The following CLPTM1 variants were observed in gnomAD, a reference collection of about 807,000 sequenced individuals.
CLPTM1 encodes CLPTM1 regulator of GABA type A receptor forward trafficking, also known as putative lipid scramblase CLPTM1.
A neutral mutation model predicts 77.3 loss-of-function variants in CLPTM1; 21 were observed. The ratio of observed to expected loss-of-function variants is 0.27; its 90% confidence interval spans 0.19 to 0.39. The LOEUF is 0.39. CLPTM1 is among the 10% of genes least tolerant of loss of function. The pLI is 1.00. For missense variants in CLPTM1, 642 were observed against 921.2 expected, an observed-to-expected ratio of 0.70 and a Z score of 3.92; for synonymous variants, 373 against 381.0, an observed-to-expected ratio of 0.98 and a Z score of 0.24.
upstream of CLPTM1, chr19:44,955,308 T>C: frequency 2.8e-6 from 4 of 1,403,716 alleles, no homozygotes; most frequent in Non-Finnish European, 3.7e-6. Flanking sequence ...CCGGCGGGGC[T>C]AGGAAAGCGT....
At chr19:44,986,940 G>A in intron 7 of CLPTM1, 1 of 574,610 alleles carries the variant, frequency 1.7e-6, no homozygotes, top group Non-Finnish European at 3.0e-6. Flanking sequence ...CCACAGGGCA[G>A]CCGTGGGCTG....
chr19:44,961,846 AG>A, intron 1 of CLPTM1, 116 bp from the exon 2 acceptor site: 1 of 563,396 alleles, frequency 1.8e-6, no homozygotes, highest in East Asian at 3.2e-5. Flanking sequence ...TTCATTCTCC[AG>A]TTATTGATAA....
At chr19:44,986,315 A>G in intron 6 of CLPTM1, 140 bp from the exon 7 acceptor site, 4 of 1,124,234 alleles carry the variant, frequency 3.6e-6, no homozygotes, top group Non-Finnish European at 3.8e-6. Context: ...CTTGGGCAGC[A>G]TAGTGAGACC....
Position 44,977,379 on chromosome 19 carries a change from T to C in CLPTM1, c.505T>C (p.Tyr169His), listed in dbSNP as rs781310487. 1 of 1,610,490 alleles carries C rather than the reference T, an allele frequency of 6.2e-7. No homozygotes were observed. ...QQNGSIYIHV[Y>H]FTKSGFHPDP... ...GAACGGCTCCATCTACATCCACGTTTACTTCACCAAGAGTGGCTTCCACCC... is the reference window on the plus strand; with the variant it reads ...GAACGGCTCCATCTACATCCACGTTCACTTCACCAAGAGTGGCTTCCACCC... Residue 169 changes from tyrosine (Y) to histidine (H), a missense_variant, in exon 5 of 14, where the codon TAC becomes CAC. By Grantham distance (83) the Tyr-to-His change is moderately conservative (BLOSUM62 2). Transcript: ENST00000337392.
At chr19:44,964,215 A>T (rs1418048922) in intron 2 of CLPTM1, among the ~76,000 whole-genome samples, 2 of 151,070 alleles carry the variant, frequency 1.3e-5, no homozygotes, top group African/African-American at 4.9e-5. Flanking sequence ...AGACTTTAAC[A>T]TATGAATTTT....
At chr19:44,972,328 A>G (rs1600024241) in intron 2 of CLPTM1, among the ~76,000 whole-genome samples, 1 of 151,084 alleles carries the variant, frequency 6.6e-6, no homozygotes, top group Non-Finnish European at 1.5e-5. Context: ...GCTCACTGCA[A>G]CCTCTGCCTC....
At chr19:44,957,506 C>T (rs747996082) in intron 1 of CLPTM1, among the ~76,000 whole-genome samples, 1 of 152,256 alleles carries the variant, frequency 6.6e-6, no homozygotes, top group East Asian at 1.9e-4. Context: ...TCCCTGATGC[C>T]GTGGTGGATC....
intron 1 of CLPTM1, among the ~76,000 whole-genome samples, chr19:44,957,643 G>C (rs1191138040): frequency 6.6e-6 from 1 of 152,208 alleles, no homozygotes; most frequent in Non-Finnish European, 1.5e-5. Flanking sequence ...GCGTGGACGT[G>C]CAGATCCGAG....
rs533546239 is a variant in CLPTM1 at position 44,960,910 on chromosome 19, A to AG, written c.73-1049dup. Among the ~76,000 whole-genome samples the AG allele has an allele frequency of 4.3e-3, 651 of 152,044 alleles. 6 individuals carry two copies. Among genetic ancestry groups the AG allele is most frequent in the African/African-American group, 0.015 (617 of 41,480 alleles). On this transcript the variant is annotated intron_variant, in intron 1 of 13. Coordinates refer to ENST00000337392, the MANE Select transcript of CLPTM1 (RefSeq NM_001294.4). ...GATGGCTGAGGGGACAGCTGGGAGG[A>AG]GGGGTGAATGAGAACAGGACTGGGG...
intron 2 of CLPTM1, among the ~76,000 whole-genome samples, chr19:44,972,735 A>G (rs1181631385): frequency 1.3e-5 from 2 of 151,764 alleles, no homozygotes; most frequent in Non-Finnish European, 2.9e-5. Context: ...GGGGGATCCC[A>G]GGGGGCTGGA....
chr19:44,977,586 G>A, intron 5 of CLPTM1, 126 bp downstream of exon 5: 3 of 774,668 alleles, frequency 3.9e-6, no homozygotes, highest in South Asian at 3.1e-5. Flanking sequence ...CTCAAAGAGG[G>A]TGGGATTGGC....
rs145428065 is a variant in CLPTM1 at position 44,991,388 on chromosome 19, C to G, written c.1555+15C>G. 6.2e-7 allele frequency: 1 copy of G among 1,608,648 alleles called. No individual in the cohort carries two copies. ...GCTGACCTTCGGTGAGCGGTCCGGCCGCCCCAGGAGAGAGCAGGCCCCATG... is the reference window on the plus strand; with the variant it reads ...GCTGACCTTCGGTGAGCGGTCCGGCGGCCCCAGGAGAGAGCAGGCCCCATG... On this transcript the variant is annotated intron_variant, in intron 12 of 13. Coordinates refer to ENST00000337392, the MANE Select transcript of CLPTM1 (RefSeq NM_001294.4). This position sits in a 1 kb window ranked among gnomAD's most constrained non-coding sequence, Gnocchi z 5.4.
Position 44,990,028 on chromosome 19 carries a change from T to G in CLPTM1, c.1133-367T>G. 3 of 236,532 alleles carry G rather than the reference T, an allele frequency of 1.3e-5. No individual in the cohort carries two copies. Among genetic ancestry groups the G allele is most frequent in the Non-Finnish European group, 8.2e-6 (1 of 122,206 alleles). The allele number at this position is 236,532 out of a possible 1,614,324, so 14.7% of individuals were successfully genotyped here. On this transcript the variant is annotated intron_variant, in intron 9 of 13. Transcript: ENST00000337392. The surrounding 1 kb of genome is among the most constrained non-coding windows in gnomAD (Gnocchi z 4.8). Reference sequence around the variant, plus strand: ...GGCACAGACCCCGCGTCCCTTCAGATTCTGCCATGCCAGGCTGTTTGGCCT... The same window carrying G: ...GGCACAGACCCCGCGTCCCTTCAGAGTCTGCCATGCCAGGCTGTTTGGCCT...
At chr19:44,986,409 A>G (rs1383469469) in intron 6 of CLPTM1, 46 bp from the exon 7 acceptor site, 2 of 1,603,384 alleles carry the variant, frequency 1.2e-6, no homozygotes, top group Non-Finnish European at 1.7e-6. Context: ...ATAGTCCCCG[A>G]GCACTTCCAC....
intron 2 of CLPTM1, among the ~76,000 whole-genome samples, chr19:44,967,121 G>A (rs1034469577): frequency 6.2e-4 from 94 of 152,160 alleles, no homozygotes; most frequent in African/African-American, 2.2e-3. Flanking sequence ...GATTACAGGC[G>A]TGAGCCACCG....
chr19:44,965,673 G>A (rs1056636562), intron 2 of CLPTM1, among the ~76,000 whole-genome samples: 13 of 152,224 alleles, frequency 8.5e-5, no homozygotes, highest in Admixed American at 2.6e-4. Context: ...AATTAGCCAG[G>A]TGTGGTGGCG....
intron 6 of CLPTM1, 148 bp downstream of exon 6, chr19:44,985,451 C>T: frequency 1.6e-6 from 1 of 623,376 alleles, no homozygotes; most frequent in East Asian, 2.8e-5. Flanking sequence ...CACTGGGCTC[C>T]TCCTCTGGGA....
Position 44,992,230 on chromosome 19 carries a change from C to T in CLPTM1, c.1556-3C>T. The T allele has an allele frequency of 1.9e-6, 3 of 1,613,938 alleles. No individual in the cohort carries two copies. The highest frequency in any genetic ancestry group is 4.5e-5 in the East Asian group (2 of 44,878). ...CCTCTGCTCATGGGTGCTCTCACTG[C>T]AGGCTTCATCACCATGACGCCCCAG... On this transcript the variant is annotated splice_polypyrimidine_tract_variant and splice_region_variant and intron_variant, in intron 12 of 13. Coordinates refer to ENST00000337392, the MANE Select transcript of CLPTM1 (RefSeq NM_001294.4). The surrounding 1 kb of genome is among the most constrained non-coding windows in gnomAD (Gnocchi z 7.7).
Position 44,992,134 on chromosome 19 carries a change from G to A in CLPTM1, c.1556-99G>A. ...TATAGGAAGTGGTAGAGTGTGCCCA[G>A]GTGTAGGAAGTGGTGAGGGGGCTGG... On this transcript the variant is annotated intron_variant, in intron 12 of 13. Transcript: ENST00000337392. This position sits in a 1 kb window ranked among gnomAD's most constrained non-coding sequence, Gnocchi z 7.7. 1.6e-6 allele frequency: 2 copies of A among 1,285,286 alleles called. No individual in the cohort carries two copies. The highest frequency in any genetic ancestry group is 2.2e-6 in the Non-Finnish European group (2 of 907,786). 79.6% of individuals were successfully genotyped at this position (1,285,286 alleles called of 1,614,324 possible).
Sources: allele counts gnomAD v4.1 joint callset (sites outside exome capture counted in the v4.1 genomes callset), GRCh38; gene constraint gnomAD v4.1.1; non-coding constraint Gnocchi (gnomAD v3.1); transcripts MANE v1.5; gene names NCBI Gene and HGNC (gene_info 2026-07-23, HGNC 2026-07-21).